DSG3: variants seen among roughly 807,000 people sequenced by gnomAD.
DSG3 encodes the protein desmoglein 3.
Under a neutral mutation model 85.9 loss-of-function variants are expected in DSG3, and 63 were observed. The observed-to-expected ratio is 0.73, with a 90% CI of 0.60 to 0.90. DSG3 has a LOEUF of 0.90. Ranked by LOEUF, DSG3 falls within the 40% of genes least tolerant of loss-of-function variation. The pLI is 0.00. For synonymous variants in DSG3, 447 were observed against 441.9 expected (o/e 1.01, Z -0.14); for missense variants, 1,220 against 1,219.9 (o/e 1.00, Z 0.00).
intron 1 of DSG3, among the ~76,000 whole-genome samples, chr18:31,453,118 G>C (rs1482603526): frequency 6.6e-6 from 1 of 152,064 alleles, no homozygotes; most frequent in African/African-American, 2.4e-5. Flanking sequence ...TATATAGAAA[G>C]CTATGAGATA....
chr18:31,459,784 T>A, intron 5 of DSG3, 61 bp from the exon 6 acceptor site: 2 of 1,459,330 alleles, frequency 1.4e-6, no homozygotes, highest in Non-Finnish European at 1.9e-6. Context: ...TTGGAATATT[T>A]AAAGTAAACA....
intron 6 of DSG3, 64 bp downstream of exon 6, chr18:31,460,075 A>C (rs1325121154): frequency 6.6e-7 from 1 of 1,503,904 alleles, no homozygotes; most frequent in Non-Finnish European, 9.0e-7. Flanking sequence ...AAACCAAGAG[A>C]GGTGACTCCA....
chr18:31,469,838 C>A lies in DSG3; in HGVS notation c.1897+489C>A, dbSNP rs1225967846. On this transcript the variant is annotated intron_variant, in intron 12 of 15. Coordinates refer to ENST00000257189, the MANE Select transcript of DSG3 (RefSeq NM_001944.3). Reference sequence around the variant, plus strand: ...ATATTAATTAATTAATTAACCCCCACTAATATTAATCAATAGCATATGATA... The same window carrying A: ...ATATTAATTAATTAATTAACCCCCAATAATATTAATCAATAGCATATGATA... Among the ~76,000 whole-genome samples the A allele has an allele frequency of 2.0e-5, 3 of 152,030 alleles. No homozygotes were observed. The East Asian group carries it at 5.8e-4, about 29-fold the overall frequency.
At position 31,476,325 on chromosome 18, in the gene DSG3, C is replaced by T; in HGVS notation, c.*65C>T. On this transcript the variant is annotated 3_prime_UTR_variant, in exon 16 of 16. Coordinates refer to ENST00000257189, the MANE Select transcript of DSG3 (RefSeq NM_001944.3). ...CTTTGGACTAAAGTATTCAAAATAG[C>T]ATAGCAAAGCTCACTGTATTGGGCT... 6.6e-7 allele frequency: 1 copy of T among 1,523,952 alleles called. No homozygotes were observed. Among genetic ancestry groups the T allele is most frequent in the Non-Finnish European group, 8.8e-7 (1 of 1,133,876 alleles). 94.4% of individuals were successfully genotyped at this position (1,523,952 alleles called of 1,614,324 possible). A position where few individuals can be genotyped will look rare whatever the true frequency, so the allele number is the denominator to read the frequency against.
In DSG3 at chr18:31,469,325, C is replaced by T. The variant is rs1266801029; in HGVS notation, c.1873C>T (p.Leu625Phe). Residue 625 changes from leucine to phenylalanine, a missense_variant, in exon 12 of 16, where the codon CTC becomes TTC. Physicochemically the swap from Leu to Phe is conservative, Grantham distance 22. Coordinates refer to ENST00000257189, the MANE Select transcript of DSG3 (RefSeq NM_001944.3). ...GGGGCCTGCCGCCATCGGCCTGCTG[C>T]TCCTTGGTCTCCTGCTGCTGCTGTG... ...RLGPAAIGLLLLGLLLLLLAP... is the reference protein window; with the variant it reads ...RLGPAAIGLLFLGLLLLLLAP... 4 of 1,613,036 alleles carry T rather than the reference C, an allele frequency of 2.5e-6. No homozygotes were observed. Among genetic ancestry groups the T allele is most frequent in the African/African-American group, 1.3e-5 (1 of 74,918 alleles).
rs1177307323 is a variant in DSG3 at position 31,461,524 on chromosome 18, AT to A, written c.999+113del. The A allele has an allele frequency of 1.1e-4, 120 of 1,045,466 alleles. No homozygotes were observed. The African/African-American group carries it at 1.8e-3, about 16-fold the overall frequency. 64.8% of individuals were successfully genotyped at this position (1,045,466 alleles called of 1,614,324 possible). ...AATATCACTTTATTACAGAAAACAC[AT>A]AAAAGTAGATTGAATTTTTTGTAAT... On this transcript the variant is annotated intron_variant, in intron 8 of 15. Coordinates refer to ENST00000257189, the MANE Select transcript of DSG3 (RefSeq NM_001944.3).
chr18:31,469,488 T>C, intron 12 of DSG3, 139 bp downstream of exon 12: 2 of 1,248,196 alleles, frequency 1.6e-6, no homozygotes, highest in Non-Finnish European at 2.2e-6. Context: ...AAATGGCATT[T>C]TCAGAAAGAA....
rs751378181 is a variant in DSG3, at chr18:31,469,162, C to T, written c.1710C>T (p.Asp570=). The change falls in exon 12 of 16, where the codon GAC becomes GAT. Residue 570 remains aspartate (D), a synonymous_variant. Transcript: ENST00000257189. ...ACCACATCTCCCTGGTACTTACAGA[C>T]AGTCAGAACAATCGGTGTGAGATGC... ...GVYHISLVLT[D]SQNNRCEMPR... The T allele has an allele frequency of 2.5e-6, 4 of 1,614,060 alleles. No homozygotes were observed. Among genetic ancestry groups the T allele is most frequent in the Non-Finnish European group, 3.4e-6 (4 of 1,180,036 alleles).
intron 11 of DSG3, 70 bp downstream of exon 11, chr18:31,466,824 T>C: frequency 1.4e-6 from 2 of 1,398,452 alleles, no homozygotes; most frequent in Non-Finnish European, 2.0e-6. Flanking sequence ...ATAAGGAAGA[T>C]CATTTAAGAG....
intron 1 of DSG3, among the ~76,000 whole-genome samples, chr18:31,450,634 T>A (rs1028195816): frequency 1.3e-5 from 2 of 152,158 alleles, no homozygotes; most frequent in Admixed American, 6.5e-5. Flanking sequence ...CCCAGAACAG[T>A]GAGAAATAAT....
In DSG3 at chr18:31,469,104, T is replaced by G; in HGVS notation, c.1652T>G (p.Leu551Arg). 1 of 1,613,948 alleles carries G rather than the reference T, an allele frequency of 6.2e-7. No homozygotes were observed. Among genetic ancestry groups the G allele is most frequent in the Non-Finnish European group, 8.5e-7 (1 of 1,179,806 alleles). The change falls in exon 12 of 16, where the codon CTC becomes CGC. Residue 551 changes from leucine to arginine, a missense_variant. By Grantham distance (102) the Leu-to-Arg change is moderately radical. Transcript: ENST00000257189. ...TTCTCTACAGCTACCTCGGCCCTCC[T>G]CAGAGCCCAGGAACAGATACCTCCT... ...ITTLNATSAL[L>R]RAQEQIPPGV...
intron 1 of DSG3, among the ~76,000 whole-genome samples, chr18:31,450,245 A>G (rs990501097): frequency 6.6e-6 from 1 of 152,178 alleles, no homozygotes; most frequent in Non-Finnish European, 1.5e-5. Flanking sequence ...GTATAGATGG[A>G]CGGGCCAAAA....
chr18:31,448,557 G>A (rs933507445), intron 1 of DSG3, among the ~76,000 whole-genome samples: 2 of 151,394 alleles, frequency 1.3e-5, no homozygotes, highest in Non-Finnish European at 2.9e-5. Flanking sequence ...GATTGAGAAA[G>A]TCGTACATAG....
At position 31,469,121 on chromosome 18, in the gene DSG3, A is replaced by T. The variant is rs1425393109; in HGVS notation, c.1669A>T (p.Ile557Leu). 3 of 1,614,180 alleles carry T rather than the reference A, an allele frequency of 1.9e-6. No homozygotes were observed. Among genetic ancestry groups the T allele is most frequent in the Admixed American group, 1.7e-5 (1 of 60,014 alleles). ...GGCCCTCCTCAGAGCCCAGGAACAGATACCTCCTGGAGTATACCACATCTC... is the reference window on the plus strand; with the variant it reads ...GGCCCTCCTCAGAGCCCAGGAACAGTTACCTCCTGGAGTATACCACATCTC... ...TSALLRAQEQ[I>L]PPGVYHISLV... The change falls in exon 12 of 16, where the codon ATA becomes TTA. Residue 557 changes from isoleucine to leucine, a missense_variant. Transcript: ENST00000257189.
chr18:31,456,171 GT>G (rs2072740621), intron 1 of DSG3, among the ~76,000 whole-genome samples: 1 of 152,182 alleles, frequency 6.6e-6, no homozygotes, highest in Non-Finnish European at 1.5e-5. Flanking sequence ...ATTAGGCATA[GT>G]TTTTGCAAAG....
intron 1 of DSG3, among the ~76,000 whole-genome samples, chr18:31,451,274 T>C (rs1387280721): frequency 1.3e-5 from 2 of 152,226 alleles, no homozygotes; most frequent in African/African-American, 4.8e-5. Flanking sequence ...CATCCAACAC[T>C]GCTATGAGCA....
intron 12 of DSG3, among the ~76,000 whole-genome samples, chr18:31,470,425 CT>C (rs1231047923): frequency 2.0e-5 from 3 of 152,088 alleles, no homozygotes; most frequent in Non-Finnish European, 4.4e-5. Flanking sequence ...ATATTTTTCC[CT>C]TCCTTATTCT....
rs759353661 is a variant in DSG3 at position 31,465,370 on chromosome 18, G to C, written c.1324G>C (p.Ala442Pro). ...GGYLMIDSKT[A>P]EIKFVKNMNR... Reference sequence around the variant, plus strand: ...ATACCTAATGATTGATTCAAAAACTGCTGAAATCAAATTTGTCAAAAATAT... The same window carrying C: ...ATACCTAATGATTGATTCAAAAACTCCTGAAATCAAATTTGTCAAAAATAT... The change falls in exon 10 of 16, where the codon GCT becomes CCT. Residue 442 changes from alanine (A) to proline (P), a missense_variant. Ala to Pro is a conservative substitution (Grantham distance 27). Coordinates refer to ENST00000257189, the MANE Select transcript of DSG3 (RefSeq NM_001944.3). 6.5e-7 allele frequency: 1 copy of C among 1,542,730 alleles called. No homozygotes were observed. The highest frequency in any genetic ancestry group is 8.7e-7 in the Non-Finnish European group (1 of 1,144,530).
chr18:31,457,170 T>A (rs759315498), intron 3 of DSG3, 46 bp downstream of exon 3: 1 of 1,568,816 alleles, frequency 6.4e-7, no homozygotes, highest in Non-Finnish European at 8.6e-7. Flanking sequence ...AATAAATGTA[T>A]AAGGTGTAAA....
Sources: allele counts gnomAD v4.1 joint callset (sites outside exome capture counted in the v4.1 genomes callset), GRCh38; gene constraint gnomAD v4.1.1; transcripts MANE v1.5; gene names NCBI Gene and HGNC (gene_info 2026-07-23, HGNC 2026-07-21).